The following WASF1 variants were observed in gnomAD, a reference collection of about 807,000 sequenced individuals.
WASF1 encodes actin-binding protein WASF1.
Under a neutral mutation model 50.5 loss-of-function variants are expected in WASF1, and 7 were observed. The ratio of observed to expected loss-of-function variants is 0.14; its 90% CI spans 0.08 to 0.26. The LOEUF is 0.26. Among genes scored for constraint, WASF1 ranks in the 10% least tolerant of loss-of-function variants. The probability of loss-of-function intolerance (pLI) is 1.00; values close to 1 mark genes in which losing one functional copy is unlikely to be tolerated. For synonymous variants in WASF1, 205 were observed against 244.0 expected (o/e 0.84, Z 1.49); for missense variants, 470 against 694.7 (o/e 0.68, Z 3.64).
intron 3 of WASF1, among the ~76,000 whole-genome samples, chr6:110,147,239 G>A (rs547314343): frequency 6.0e-5 from 9 of 150,288 alleles, no homozygotes; most frequent in Non-Finnish European, 1.0e-4. Context: ...CCAGCTACTC[G>A]GGAGGCTGAG....
intron 8 of WASF1, among the ~76,000 whole-genome samples, chr6:110,105,080 A>T (rs1315641042): frequency 1.3e-5 from 2 of 152,212 alleles, no homozygotes; most frequent in Admixed American, 6.5e-5. Flanking sequence ...AAAAAACCCC[A>T]GACCCTAAAC....
rs1773101143 is a variant in WASF1, at chr6:110,101,765, C to T, written c.1345G>A (p.Ala449Thr). Reference sequence around the variant, plus strand: ...GGATGTAGCCCAGAGGGAGGATGAGCAAGAGCTGTAACTGTGACAGGTGAT... The same window carrying T: ...GGATGTAGCCCAGAGGGAGGATGAGTAAGAGCTGTAACTGTGACAGGTGAT... ...PSSPVTVTAL[A>T]HPPSGLHPTP... Residue 449 changes from alanine (A) to threonine (T), a missense_variant, in exon 10 of 11, where the codon GCT (alanine) becomes ACT (threonine). By Grantham distance (58) the Ala-to-Thr change is moderately conservative. This residue lies in a region of WASF1 where 294 missense variants were observed against 343.5 expected (regional missense o/e 0.86). Coordinates refer to ENST00000392589, the MANE Select transcript of WASF1 (RefSeq NM_003931.3). 6.2e-7 allele frequency: 1 copy of T among 1,613,892 alleles called. No homozygotes were observed. Among genetic ancestry groups the T allele is most frequent in the South Asian group, 1.1e-5 (1 of 91,086 alleles).
intron 1 of WASF1, among the ~76,000 whole-genome samples, 169 bp downstream of exon 1, chr6:110,179,270 C>A (rs1277980861): frequency 6.6e-6 from 1 of 151,976 alleles, no homozygotes; most frequent in Non-Finnish European, 1.5e-5. Flanking sequence ...GGTGGGCGCT[C>A]GGAAAACCCG....
At chr6:110,127,173 A>G (rs1774455623) in intron 4 of WASF1, among the ~76,000 whole-genome samples, 1 of 152,218 alleles carries the variant, frequency 6.6e-6, no homozygotes. Context: ...AAGGAAAAGT[A>G]CAACTCTGGT....
chr6:110,115,395 A>G (rs537837561), intron 4 of WASF1, among the ~76,000 whole-genome samples: 2 of 152,200 alleles, frequency 1.3e-5, no homozygotes, highest in South Asian at 2.1e-4. Flanking sequence ...CCAAAAGAAG[A>G]AGGCAAGACA....
chr6:110,102,170 C>T lies in WASF1; in HGVS notation c.940G>A (p.Gly314Ser). The T allele has an allele frequency of 1.4e-6, 2 of 1,435,848 alleles. No individual in the cohort carries two copies. The highest frequency in any genetic ancestry group is 1.8e-6 in the Non-Finnish European group (2 of 1,092,252). The allele number at this position is 1,435,848 out of a possible 1,614,324, so 88.9% of individuals were successfully genotyped here. ...GGGCTCACAAACACAGGTGTTCTGC[C>T]TGTAGCTGGTGACTGAGGGCGATTT... is the stretch of plus-strand genomic sequence containing the variant. ...IENRPQSPAT[G>S]RTPVFVSPTP... is the part of the protein sequence containing the mutation. Residue 314 changes from glycine to serine, a missense_variant, in exon 10 of 11, where the codon GGC (glycine) becomes AGC (serine). Gly to Ser is a moderately conservative substitution (Grantham distance 56, BLOSUM62 0). Transcript: ENST00000392589.
chr6:110,143,554 A>C (rs1431406980), intron 3 of WASF1, among the ~76,000 whole-genome samples: 1 of 152,154 alleles, frequency 6.6e-6, no homozygotes, highest in African/African-American at 2.4e-5. Context: ...GAACTCAAAA[A>C]ATGGCCTGTA....
intron 3 of WASF1, among the ~76,000 whole-genome samples, chr6:110,130,980 T>C (rs1441909053): frequency 6.6e-6 from 1 of 152,146 alleles, no homozygotes; most frequent in Non-Finnish European, 1.5e-5. Flanking sequence ...ATCTTTTGGG[T>C]TTTTCTCTTG....
intron 3 of WASF1, among the ~76,000 whole-genome samples, chr6:110,140,948 T>G (rs1031475525): frequency 6.6e-6 from 1 of 152,166 alleles, no homozygotes; most frequent in Non-Finnish European, 1.5e-5. Flanking sequence ...GTGGATATGC[T>G]AGACAAAAGG....
chr6:110,109,055 C>G (rs567308876), intron 5 of WASF1, among the ~76,000 whole-genome samples: 6 of 152,170 alleles, frequency 3.9e-5, no homozygotes, highest in Admixed American at 3.3e-4. Context: ...CCCTTTATTC[C>G]TTTTTTTAGC....
At chr6:110,116,102 C>A (rs561214277) in intron 4 of WASF1, among the ~76,000 whole-genome samples, 11 of 152,262 alleles carry the variant, frequency 7.2e-5, no homozygotes, top group African/African-American at 2.6e-4. Flanking sequence ...GTCTGCAGCT[C>A]CCAGCGAAAC....
intron 3 of WASF1, among the ~76,000 whole-genome samples, chr6:110,135,364 G>A (rs563768626): frequency 5.3e-5 from 8 of 152,062 alleles, no homozygotes; most frequent in South Asian, 2.1e-4. Context: ...TTTCTTTTTC[G>A]TTGGATTGCT....
chr6:110,170,814 A>G (rs1028229664), intron 2 of WASF1, among the ~76,000 whole-genome samples: 2 of 152,148 alleles, frequency 1.3e-5, no homozygotes, highest in Admixed American at 6.6e-5. Flanking sequence ...ATTTGAGACA[A>G]AGTAGGTTTC....
chr6:110,152,624 GA>G (rs1164949211), intron 3 of WASF1, among the ~76,000 whole-genome samples: 2 of 152,148 alleles, frequency 1.3e-5, no homozygotes, highest in Admixed American at 1.3e-4. Context: ...AGAGCCAACA[GA>G]AAAGAAATGT....
rs567047139 is a variant in WASF1 at position 110,123,468 on chromosome 6, G to C, written c.133+4001C>G. On this transcript the variant is annotated intron_variant, in intron 4 of 10. Transcript: ENST00000392589. ...TGAATTTTGAGCAGAGGGAGAACCA[G>C]ACATTTAAGCAAATATTTAAAGCAA... 7.9e-5 allele frequency among the ~76,000 whole-genome samples: 12 copies of C among 152,290 alleles called. No homozygotes were observed. In the South Asian group the frequency reaches 2.5e-3, roughly 32 times the overall value.
At chr6:110,169,739 T>C (rs1776622055) in intron 2 of WASF1, among the ~76,000 whole-genome samples, 1 of 152,188 alleles carries the variant, frequency 6.6e-6, no homozygotes, top group Non-Finnish European at 1.5e-5. Context: ...AAAAATTCTG[T>C]AGTGGTCTAT....
At chr6:110,164,975 T>A (rs528532499) in intron 2 of WASF1, among the ~76,000 whole-genome samples, 50 of 151,710 alleles carry the variant, frequency 3.3e-4, no homozygotes, top group African/African-American at 1.1e-3. Flanking sequence ...TCCAACTACA[T>A]GGCATGATAG....
intron 2 of WASF1, among the ~76,000 whole-genome samples, chr6:110,176,348 A>T (rs190201969): frequency 1.4e-3 from 211 of 152,210 alleles, no homozygotes; most frequent in Admixed American, 2.6e-3. Flanking sequence ...AAAATATGTT[A>T]ACATACATCT....
chr6:110,161,998 A>T (rs1022631617), intron 2 of WASF1, among the ~76,000 whole-genome samples: 1 of 151,604 alleles, frequency 6.6e-6, no homozygotes, highest in Non-Finnish European at 1.5e-5. Context: ...GTTTATTATT[A>T]AGCAATTTTG....
Sources: gnomAD v4.1 joint callset for allele counts (sites outside exome capture counted in the v4.1 genomes callset) on GRCh38, gnomAD v4.1.1 for gene constraint, gnomAD v4.1.1 regional missense constraint, MANE v1.5 for transcripts, NCBI Gene and HGNC (gene_info 2026-07-23, HGNC 2026-07-21) for gene names.